DCLK1: variants seen among roughly 807,000 people sequenced by gnomAD.
DCLK1 encodes doublecortin like kinase 1.
A neutral mutation model predicts 86.2 loss-of-function variants in DCLK1; 16 were observed. The observed-to-expected ratio is 0.19, with a 90% CI of 0.13 to 0.28. DCLK1 has a LOEUF of 0.28. DCLK1 is among the 10% of genes least tolerant of loss of function. The pLI is 1.00. For missense variants in DCLK1, 590 were observed against 940.2 expected, an observed-to-expected ratio of 0.63 and a Z score of 4.87; for synonymous variants, 369 against 370.5, an observed-to-expected ratio of 1.00 and a Z score of 0.05.
chr13:35,907,452 T>A (rs1329292667), intron 4 of DCLK1, among the ~76,000 whole-genome samples: 8 of 150,820 alleles, frequency 5.3e-5, no homozygotes, highest in Non-Finnish European at 1.5e-5. Flanking sequence ...CCTAAGCCAC[T>A]GTCCCTGGCC....
chr13:35,900,061 T>C (rs1459884312), intron 4 of DCLK1, among the ~76,000 whole-genome samples: 2 of 152,116 alleles, frequency 1.3e-5, no homozygotes, highest in East Asian at 1.9e-4. Context: ...TGTAGAAGAA[T>C]ATGTTACAGG....
At chr13:35,848,139 A>G in intron 6 of DCLK1, 4 of 985,320 alleles carry the variant, frequency 4.1e-6, no homozygotes, top group South Asian at 4.7e-5. Flanking sequence ...TTTAAGGATT[A>G]TCATTAGGAC....
intron 4 of DCLK1, among the ~76,000 whole-genome samples, chr13:35,883,302 T>C (rs1361897656): frequency 6.6e-6 from 1 of 152,178 alleles, no homozygotes. Context: ...AATGTCTTGG[T>C]GCCATCCATG....
At chr13:36,041,852 G>A (rs931512136) in intron 3 of DCLK1, among the ~76,000 whole-genome samples, 5 of 152,092 alleles carry the variant, frequency 3.3e-5, no homozygotes, top group African/African-American at 1.2e-4. Context: ...TTAGCTTCTA[G>A]TAAGATAAAT....
intron 3 of DCLK1, among the ~76,000 whole-genome samples, chr13:35,975,705 G>A (rs1251581952): frequency 1.3e-5 from 2 of 152,130 alleles, no homozygotes; most frequent in African/African-American, 4.8e-5. Flanking sequence ...GATCTGCTCA[G>A]GCTTCCTCCC....
At chr13:35,914,350 C>CAT (rs1566600254) in intron 4 of DCLK1, among the ~76,000 whole-genome samples, 2 of 94,228 alleles carry the variant, frequency 2.1e-5, no homozygotes, top group African/African-American at 4.9e-5. Flanking sequence ...TATATATATA[C>CAT]ATATATATAT....
intron 3 of DCLK1, among the ~76,000 whole-genome samples, chr13:36,053,064 A>T (rs1883182638): frequency 6.6e-6 from 1 of 152,174 alleles, no homozygotes; most frequent in South Asian, 2.1e-4. Context: ...AATTGGCATC[A>T]GTTATTTCCT....
chr13:35,987,621 T>C (rs527589824), intron 3 of DCLK1, among the ~76,000 whole-genome samples: 3 of 151,626 alleles, frequency 2.0e-5, no homozygotes, highest in African/African-American at 7.3e-5. Context: ...ACCACAACAA[T>C]AAAAAAAATA....
intron 11 of DCLK1, among the ~76,000 whole-genome samples, chr13:35,820,070 T>C (rs2087357882): frequency 6.6e-6 from 1 of 152,186 alleles, no homozygotes; most frequent in Non-Finnish European, 1.5e-5. Context: ...CTGTGATGGT[T>C]CTCTTATTTC....
At chr13:35,959,520 G>A (rs915879446) in intron 3 of DCLK1, among the ~76,000 whole-genome samples, 1 of 152,202 alleles carries the variant, frequency 6.6e-6, no homozygotes, top group Non-Finnish European at 1.5e-5. Flanking sequence ...TTTTCTGTGA[G>A]AGAGTGAAAT....
chr13:36,008,215 A>T (rs1166645809), intron 3 of DCLK1, among the ~76,000 whole-genome samples: 3 of 4,102 alleles, frequency 7.3e-4, no homozygotes, highest in Admixed American at 0.011. Context: ...TATTATTATT[A>T]TTATTATTAT....
chr13:36,045,261 A>C (rs1882840032), intron 3 of DCLK1, among the ~76,000 whole-genome samples: 1 of 141,896 alleles, frequency 7.0e-6, no homozygotes, highest in Non-Finnish European at 1.5e-5. Context: ...CATCTTCTAT[A>C]TATATATATA....
chr13:36,127,422 A>T (rs1049279520), intron 1 of DCLK1, among the ~76,000 whole-genome samples: 5 of 152,188 alleles, frequency 3.3e-5, no homozygotes, highest in African/African-American at 1.2e-4. Flanking sequence ...TTGAGGCTTA[A>T]AGATGTCGAT....
chr13:35,909,916 T>G (rs1874914099), intron 4 of DCLK1, among the ~76,000 whole-genome samples: 1 of 152,078 alleles, frequency 6.6e-6, no homozygotes, highest in Non-Finnish European at 1.5e-5. Flanking sequence ...CTTCTACAGC[T>G]CCATCTTGAA....
intron 6 of DCLK1, chr13:35,849,154 T>G: frequency 1.0e-6 from 1 of 985,364 alleles, no homozygotes; most frequent in South Asian, 4.7e-5. Context: ...TGGACGTTTT[T>G]TCTTCTTCCT....
chr13:35,881,587 A>G (rs1392958877), intron 4 of DCLK1, among the ~76,000 whole-genome samples: 2 of 152,160 alleles, frequency 1.3e-5, no homozygotes, highest in Non-Finnish European at 2.9e-5. Flanking sequence ...CACAGCACAC[A>G]TGGCTCTCCC....
intron 2 of DCLK1, among the ~76,000 whole-genome samples, chr13:36,121,198 T>C (rs1885976437): frequency 6.6e-6 from 1 of 152,186 alleles, no homozygotes; most frequent in African/African-American, 2.4e-5. Context: ...ACACAGTAGT[T>C]TTGGATGTAC....
At chr13:35,966,774 G>A (rs964760431) in intron 3 of DCLK1, among the ~76,000 whole-genome samples, 9 of 152,158 alleles carry the variant, frequency 5.9e-5, no homozygotes, top group Admixed American at 3.9e-4. Flanking sequence ...CTGAGGTGCC[G>A]GGATTGCAGA....
rs11358132 is a variant in DCLK1 at position 35,906,313 on chromosome 13, C to CT, written c.824-34974dup. Among the ~76,000 whole-genome samples, 936 of 137,688 alleles carry CT rather than the reference C, an allele frequency of 6.8e-3. 1 individual carries two copies. The highest frequency in any genetic ancestry group is 0.015 in the African/African-American group (564 of 38,272). The allele number at this position is 137,688 out of a possible 152,430, so 90.3% of individuals were successfully genotyped here. On this transcript the variant is annotated intron_variant, in intron 4 of 16. Coordinates refer to ENST00000360631, the MANE Select transcript of DCLK1 (RefSeq NM_001330071.2). ...CACTTTATGGTTGGCCAAGTATTTTCTTTTTTTTTTTTTTTAAATAAAGGA... is the reference window on the plus strand; with the variant it reads ...CACTTTATGGTTGGCCAAGTATTTTCTTTTTTTTTTTTTTTTAAATAAAGGA...
Sources: gnomAD v4.1 joint callset for allele counts (sites outside exome capture counted in the v4.1 genomes callset) on GRCh38, gnomAD v4.1.1 for gene constraint, MANE v1.5 for transcripts, NCBI Gene and HGNC (gene_info 2026-07-23, HGNC 2026-07-21) for gene names.